Variants in CTNNA2 observed in about 807,000 individuals in gnomAD.
CTNNA2 encodes catenin alpha 2.
Under a neutral mutation model 101.0 loss-of-function variants are expected in CTNNA2, and 42 were observed. The ratio of observed to expected loss-of-function variants is 0.42; its 90% CI spans 0.32 to 0.54. The LOEUF is 0.54. Among genes scored for constraint, CTNNA2 ranks in the 20% least tolerant of loss-of-function variants. The pLI is 0.14. For synonymous variants in CTNNA2, 450 were observed against 456.4 expected, an observed-to-expected ratio of 0.99 and a Z score of 0.18; for missense variants, 871 against 1,223.1, an observed-to-expected ratio of 0.71 and a Z score of 4.29.
chr2:80,126,477 C>G (rs115661988), intron 7 of CTNNA2, among the ~76,000 whole-genome samples: 3,028 of 152,000 alleles, frequency 0.02, 115 homozygotes, highest in African/African-American at 0.069. Context: ...CTCTCTCTCT[C>G]TCTGTCTTGA....
intron 9 of CTNNA2, among the ~76,000 whole-genome samples, chr2:80,442,561 C>T (rs552635996): frequency 4.6e-4 from 70 of 152,252 alleles, no homozygotes; most frequent in African/African-American, 1.7e-3. Flanking sequence ...AAGGAGCTAC[C>T]ATGCCTTCCC....
At chr2:80,494,807 C>A (rs1006826570) in intron 9 of CTNNA2, among the ~76,000 whole-genome samples, 5 of 137,112 alleles carry the variant, frequency 3.6e-5, no homozygotes, top group Admixed American at 1.4e-4. Flanking sequence ...TTACTTAACT[C>A]ATTAATGAGG....
chr2:79,204,685 C>T (rs1372559064), intron 2 of CTNNA2, among the ~76,000 whole-genome samples: 1 of 152,150 alleles, frequency 6.6e-6, no homozygotes, highest in Non-Finnish European at 1.5e-5. Context: ...GTTCTGGAGG[C>T]TGGGATGTCC....
chr2:80,021,931 A>G (rs548974655), intron 7 of CTNNA2, among the ~76,000 whole-genome samples: 65 of 152,288 alleles, frequency 4.3e-4, no homozygotes, highest in African/African-American at 1.5e-3. Context: ...ACTTATTAGA[A>G]TTTGAGGCCA....
At chr2:79,384,264 C>T (rs1206421215) in intron 4 of CTNNA2, among the ~76,000 whole-genome samples, 2 of 152,156 alleles carry the variant, frequency 1.3e-5, no homozygotes, top group Admixed American at 6.5e-5. Flanking sequence ...AAAGTAACTA[C>T]TGAATCTTCT....
At chr2:80,514,569 G>A (rs187630676) in intron 9 of CTNNA2, among the ~76,000 whole-genome samples, 4 of 152,248 alleles carry the variant, frequency 2.6e-5, no homozygotes, top group Non-Finnish European at 5.9e-5. Context: ...TTAGATGTGG[G>A]GAATTTTATT....
intron 9 of CTNNA2, among the ~76,000 whole-genome samples, chr2:80,448,246 A>C (rs539208934): frequency 6.6e-6 from 1 of 152,348 alleles, no homozygotes; most frequent in South Asian, 2.1e-4. Flanking sequence ...CATTTCATTC[A>C]GCAGCCTGGA....
intron 4 of CTNNA2, among the ~76,000 whole-genome samples, chr2:79,384,963 A>C (rs1039371509): frequency 2.0e-4 from 31 of 152,224 alleles, no homozygotes; most frequent in African/African-American, 7.0e-4. Flanking sequence ...CACATTTTTT[A>C]TCCTTAGATA....
At chr2:79,875,251 C>G (rs1682923965) in intron 6 of CTNNA2, among the ~76,000 whole-genome samples, 1 of 152,186 alleles carries the variant, frequency 6.6e-6, no homozygotes, top group African/African-American at 2.4e-5. Flanking sequence ...CCCGGGATGA[C>G]AGCCCCCATT....
At chr2:79,996,089 A>G (rs1692523530) in intron 7 of CTNNA2, among the ~76,000 whole-genome samples, 1 of 152,186 alleles carries the variant, frequency 6.6e-6, no homozygotes, top group Non-Finnish European at 1.5e-5. Flanking sequence ...AGGTGTTGAG[A>G]TGTCAGTGAA....
At chr2:79,197,370 ATT>A (rs897137366) in intron 1 of CTNNA2, among the ~76,000 whole-genome samples, 22 of 151,996 alleles carry the variant, frequency 1.4e-4, no homozygotes, top group African/African-American at 5.3e-4. Context: ...TTTGAAGAGT[ATT>A]TGGCTTTCCC....
At chr2:79,524,024 A>G (rs2103890154) in intron 1 of CTNNA2, among the ~76,000 whole-genome samples, 1 of 152,228 alleles carries the variant, frequency 6.6e-6, no homozygotes, top group South Asian at 2.1e-4. Context: ...AACTACTATT[A>G]TGATTTCTAG....
intron 9 of CTNNA2, among the ~76,000 whole-genome samples, chr2:80,528,886 T>C (rs1690276129): frequency 6.6e-6 from 1 of 152,128 alleles, no homozygotes; most frequent in Non-Finnish European, 1.5e-5. Context: ...TGAGGACAGA[T>C]TAGACTTTTG....
chr2:79,712,267 C>T (rs1474483206), intron 2 of CTNNA2, among the ~76,000 whole-genome samples: 1 of 152,142 alleles, frequency 6.6e-6, no homozygotes, highest in Non-Finnish European at 1.5e-5. Context: ...TGTTCAGCTC[C>T]TACCAAGCAA....
chr2:79,617,123 C>G (rs374204036), intron 1 of CTNNA2, among the ~76,000 whole-genome samples: 9 of 152,016 alleles, frequency 5.9e-5, no homozygotes, highest in Non-Finnish European at 1.2e-4. Context: ...AGGCTAGTCT[C>G]GAACTCCTGA....
At chr2:80,121,167 G>A (rs1390388182) in intron 7 of CTNNA2, among the ~76,000 whole-genome samples, 1 of 152,138 alleles carries the variant, frequency 6.6e-6, no homozygotes, top group Non-Finnish European at 1.5e-5. Flanking sequence ...GGCTCTCAAA[G>A]GCAGACCATT....
At chr2:79,630,488 CA>C (rs574699016) in intron 1 of CTNNA2, among the ~76,000 whole-genome samples, 8 of 151,336 alleles carry the variant, frequency 5.3e-5, no homozygotes, top group East Asian at 1.9e-4. Context: ...TAAAAGAGAC[CA>C]AAAAAATGGG....
At chr2:80,619,343 T>G (rs1670852248) in intron 18 of CTNNA2, 115 bp downstream of exon 18, 1 of 1,192,494 alleles carries the variant, frequency 8.4e-7, no homozygotes, top group African/African-American at 1.6e-5. Context: ...CTCTTAATAT[T>G]AACCAACTTT....
chr2:79,818,190 G>C (rs774550011), intron 3 of CTNNA2, among the ~76,000 whole-genome samples: 4 of 152,020 alleles, frequency 2.6e-5, no homozygotes, highest in Non-Finnish European at 5.9e-5. Context: ...AAGGAAGTTT[G>C]CTCTTTGTTC....
Sources: allele counts gnomAD v4.1 joint callset (sites outside exome capture counted in the v4.1 genomes callset), GRCh38; gene constraint gnomAD v4.1.1; transcripts MANE v1.5; gene names NCBI Gene and HGNC (gene_info 2026-07-23, HGNC 2026-07-21).